The following FSIP1 variants were observed in gnomAD, a reference collection of about 807,000 sequenced individuals.
The protein encoded by FSIP1 is fibrous sheath interacting protein 1, also known as fibrous sheath-interacting protein 1.
In FSIP1, 65 loss-of-function variants were observed where a neutral mutation model predicts 60.9. That is an observed-to-expected ratio of 1.07 (90% CI 0.87 to 1.31). The LOEUF (loss-of-function observed/expected upper bound fraction) is 1.31, where lower values mean the gene tolerates loss of function less well. Among genes scored for constraint, FSIP1 ranks in the 40% most tolerant of loss-of-function variants. The probability of loss-of-function intolerance (pLI) is 0.00; values close to 1 mark genes in which losing one functional copy is unlikely to be tolerated. For synonymous variants in FSIP1, 209 were observed against 221.2 expected, an observed-to-expected ratio of 0.94 and a Z score of 0.49; for missense variants, 675 against 665.5, an observed-to-expected ratio of 1.01 and a Z score of -0.16.
chr15:39,608,404 T>G (rs535258803), intron 11 of FSIP1, among the ~76,000 whole-genome samples: 1 of 152,336 alleles, frequency 6.6e-6, no homozygotes, highest in Non-Finnish European at 1.5e-5. Flanking sequence ...TAAAGTCATA[T>G]CTTAGCAAAT....
chr15:39,661,377 T>A (rs1259998121), intron 10 of FSIP1, among the ~76,000 whole-genome samples: 2 of 152,246 alleles, frequency 1.3e-5, no homozygotes, highest in African/African-American at 2.4e-5. Flanking sequence ...TTTTGACTCA[T>A]CTGAGCCTAG....
At chr15:39,746,103 A>T (rs1896984393) in intron 5 of FSIP1, among the ~76,000 whole-genome samples, 1 of 152,192 alleles carries the variant, frequency 6.6e-6, no homozygotes, top group East Asian at 1.9e-4. Context: ...TTAAAAAATT[A>T]AAAATAAAAA....
intron 5 of FSIP1, among the ~76,000 whole-genome samples, chr15:39,759,798 G>C (rs141800536): frequency 2.6e-5 from 4 of 152,086 alleles, no homozygotes; most frequent in African/African-American, 9.7e-5. Context: ...CTCTGCCTCC[G>C]TCTTTGCAGC....
chr15:39,638,830 G>GTGTGTGTGTGCGCA (rs1892242273), intron 10 of FSIP1, among the ~76,000 whole-genome samples: 1 of 150,708 alleles, frequency 6.6e-6, no homozygotes, highest in Non-Finnish European at 1.5e-5. Flanking sequence ...GTGTGTGCGC[G>GTGTGTGTGTGCGCA]TGTGTGTGTG....
intron 10 of FSIP1, among the ~76,000 whole-genome samples, chr15:39,697,997 T>TAA (rs577847844): frequency 6.8e-6 from 1 of 146,254 alleles, no homozygotes; most frequent in African/African-American, 2.5e-5. Flanking sequence ...ATGTTTACTT[T>TAA]AAAAAAAAAA....
chr15:39,696,878 GTGTGTGTGTGTGTGTGTGT>G (rs1894837346), intron 10 of FSIP1, among the ~76,000 whole-genome samples: 1 of 4,510 alleles, frequency 2.2e-4, no homozygotes, highest in Non-Finnish European at 2.4e-3. Context: ...GTCTGTGTGT[GTGTGTGTGTGTGTGTGTGT>G]GTGTGTGTGT....
intron 1 of FSIP1, among the ~76,000 whole-genome samples, chr15:39,781,838 C>T (rs1468713948): frequency 6.6e-6 from 1 of 152,164 alleles, no homozygotes; most frequent in African/African-American, 2.4e-5. Context: ...ACAAAGAGCA[C>T]TAGGGAATTT....
In FSIP1 at chr15:39,773,195, G is replaced by A. The variant is rs181773528; in HGVS notation, c.127-2585C>T. The stretch of plus-strand genomic sequence containing the variant: ...AGAATTTAATAAAAGACAAATCTGA[G>A]CAATAAAACTAACTAGCACACCAAG... On this transcript the variant is annotated intron_variant, in intron 2 of 11. Transcript: ENST00000350221. 3.4e-4 allele frequency among the ~76,000 whole-genome samples: 51 copies of A among 152,232 alleles called. 1 individual carries two copies. Among genetic ancestry groups the A allele is most frequent in the South Asian group, 3.1e-3 (15 of 4,826 alleles).
At chr15:39,676,983 C>G (rs1307797472) in intron 10 of FSIP1, among the ~76,000 whole-genome samples, 1 of 152,156 alleles carries the variant, frequency 6.6e-6, no homozygotes, top group Non-Finnish European at 1.5e-5. Context: ...TTAACTGTTG[C>G]AAGTGTCAGA....
chr15:39,656,324 T>C (rs1183066235), intron 10 of FSIP1, among the ~76,000 whole-genome samples: 1 of 152,228 alleles, frequency 6.6e-6, no homozygotes, highest in Non-Finnish European at 1.5e-5. Context: ...CATAGTGTTA[T>C]TTAAAGGTGT....
intron 10 of FSIP1, among the ~76,000 whole-genome samples, chr15:39,682,555 G>C (rs898449372): frequency 6.6e-6 from 1 of 152,204 alleles, no homozygotes. Flanking sequence ...CCCCGGATGA[G>C]GGCTCCCTTT....
At chr15:39,695,834 A>G (rs763045407) in intron 10 of FSIP1, among the ~76,000 whole-genome samples, 5 of 152,260 alleles carry the variant, frequency 3.3e-5, no homozygotes, top group Non-Finnish European at 5.9e-5. Flanking sequence ...TTCAAATATT[A>G]AAAGTAGACT....
intron 10 of FSIP1, among the ~76,000 whole-genome samples, chr15:39,679,158 T>C (rs2140483387): frequency 6.6e-6 from 1 of 152,346 alleles, no homozygotes; most frequent in East Asian, 1.9e-4. Flanking sequence ...GGAAGTTCTA[T>C]TCTCAGATAA....
chr15:39,772,751 C>G (rs1414973833), intron 2 of FSIP1, among the ~76,000 whole-genome samples: 2 of 151,956 alleles, frequency 1.3e-5, no homozygotes, highest in Admixed American at 1.3e-4. Flanking sequence ...CCACCACACC[C>G]AGCTAATTTT....
Position 39,738,088 on chromosome 15 carries a change from T to G in FSIP1, c.891+3A>C. Reference sequence around the variant, plus strand: ...GTAGTGTTCCCTATCAGAGTTTACGTACCTCAGAACTGGAGAGCCCGGAAT... The same window carrying G: ...GTAGTGTTCCCTATCAGAGTTTACGGACCTCAGAACTGGAGAGCCCGGAAT... On this transcript the variant is annotated splice_donor_region_variant and intron_variant, in intron 8 of 11. Transcript: ENST00000350221. The G allele has an allele frequency of 6.4e-7, 1 of 1,567,904 alleles. No individual in the cohort carries two copies. The highest frequency in any genetic ancestry group is 8.7e-7 in the Non-Finnish European group (1 of 1,143,172).
intron 2 of FSIP1, 73 bp from the exon 3 acceptor site, chr15:39,770,683 T>C (rs7180846): frequency 0.44 from 423,229 of 961,736 alleles, 95,563 homozygotes; most frequent in Admixed American, 0.52. Context: ...TTCTAGAATA[T>C]TTTGACACTA....
chr15:39,771,715 G>C (rs1566921879), intron 2 of FSIP1, among the ~76,000 whole-genome samples: 1 of 152,172 alleles, frequency 6.6e-6, no homozygotes, highest in Non-Finnish European at 1.5e-5. Context: ...AACGAAACTA[G>C]TGAAGGCCCA....
rs1305237525 is a variant in FSIP1, at chr15:39,600,668, C to T, written c.*212G>A. Reference sequence around the variant, plus strand: ...TAGCAATAAATTTATAAACAATGGTCCCAGAAATTTTAATGAGCAAAAACC... The same window carrying T: ...TAGCAATAAATTTATAAACAATGGTTCCAGAAATTTTAATGAGCAAAAACC... On this transcript the variant is annotated 3_prime_UTR_variant, in exon 12 of 12. Transcript: ENST00000350221. 2.1e-6 allele frequency: 1 copy of T among 484,036 alleles called. No individual in the cohort carries two copies. The highest frequency in any genetic ancestry group is 2.0e-5 in the African/African-American group (1 of 49,362). The allele number at this position is 484,036 out of a possible 1,614,324, so 30.0% of individuals were successfully genotyped here.
chr15:39,712,383 G>A (rs1407686475), intron 10 of FSIP1, among the ~76,000 whole-genome samples: 1 of 152,088 alleles, frequency 6.6e-6, no homozygotes, highest in Middle Eastern at 3.2e-3. Flanking sequence ...GGAGTGACTG[G>A]AAACAAGAAA....
Sources: allele counts gnomAD v4.1 joint callset (sites outside exome capture counted in the v4.1 genomes callset), GRCh38; gene constraint gnomAD v4.1.1; transcripts MANE v1.5; gene names NCBI Gene and HGNC (gene_info 2026-07-23, HGNC 2026-07-21).